ITPRID1: variants seen among roughly 807,000 people sequenced by gnomAD.
ITPRID1 encodes protein ITPRID1.
A neutral mutation model predicts 95.4 loss-of-function variants in ITPRID1; 96 were observed. The observed-to-expected ratio is 1.01, with a 90% CI of 0.85 to 1.19. The LOEUF is 1.19. Among genes scored for constraint, ITPRID1 ranks in the 50% most tolerant of loss-of-function variants. ITPRID1 has a pLI of 0.00. For synonymous variants in ITPRID1, 510 were observed against 453.6 expected (o/e 1.12, Z -1.58); for missense variants, 1,339 against 1,252.9 (o/e 1.07, Z -1.04).
chr7:31,598,054 T>C (rs935167646), intron 10 of ITPRID1, among the ~76,000 whole-genome samples: 6 of 152,134 alleles, frequency 3.9e-5, no homozygotes, highest in Non-Finnish European at 7.4e-5. Flanking sequence ...GTTATCCATA[T>C]AGAAAAAAAT....
chr7:31,652,885 G>A lies in ITPRID1; in HGVS notation c.*56G>A. ...AATATAAAGGCCCAGAACAGATGTAGCAAGGAAATTTCAATTTTCCCCAAG... is the reference window on the plus strand; with the variant it reads ...AATATAAAGGCCCAGAACAGATGTAACAAGGAAATTTCAATTTTCCCCAAG... On this transcript the variant is annotated 3_prime_UTR_variant, in exon 15 of 15. Transcript: ENST00000615280. The A allele has an allele frequency of 6.4e-7, 1 of 1,559,662 alleles. No individual in the cohort carries two copies. Among genetic ancestry groups the A allele is most frequent in the Non-Finnish European group, 8.7e-7 (1 of 1,150,730 alleles).
chr7:31,651,665 A>G (rs1583756448), intron 13 of ITPRID1, among the ~76,000 whole-genome samples: 1 of 152,158 alleles, frequency 6.6e-6, no homozygotes, highest in Non-Finnish European at 1.5e-5. Context: ...GAAGTGTTTT[A>G]AAACTGAATA....
At chr7:31,658,513 A>G, downstream of ITPRID1, 3 of 862,584 alleles carry the variant, frequency 3.5e-6, no homozygotes, top group Non-Finnish European at 4.7e-6. Flanking sequence ...AAAAAGTTTT[A>G]GAGTGTTTTC....
chr7:31,540,566 G>T (rs145676408), intron 1 of ITPRID1, among the ~76,000 whole-genome samples: 1 of 152,142 alleles, frequency 6.6e-6, no homozygotes, highest in South Asian at 2.1e-4. Flanking sequence ...ACAAATCATG[G>T]TAGGACTGGT....
chr7:31,613,287 T>C (rs1404042696), intron 10 of ITPRID1, among the ~76,000 whole-genome samples: 1 of 152,156 alleles, frequency 6.6e-6, no homozygotes, highest in Non-Finnish European at 1.5e-5. Flanking sequence ...CAACTCTTTT[T>C]TTCTCGTATA....
intron 12 of ITPRID1, among the ~76,000 whole-genome samples, chr7:31,649,835 G>A (rs182813247): frequency 6.6e-6 from 1 of 152,272 alleles, no homozygotes; most frequent in African/African-American, 2.4e-5. Flanking sequence ...AAGGTAAATA[G>A]CTTTAGTTAA....
intron 1 of ITPRID1, among the ~76,000 whole-genome samples, chr7:31,540,942 A>T (rs1306605216): frequency 2.0e-5 from 3 of 152,252 alleles, no homozygotes; most frequent in African/African-American, 7.2e-5. Flanking sequence ...AAAGCACACC[A>T]TTCCAGTCAA....
At chr7:31,558,473 C>G (rs967283173) in intron 5 of ITPRID1, among the ~76,000 whole-genome samples, 2 of 152,052 alleles carry the variant, frequency 1.3e-5, no homozygotes, top group Non-Finnish European at 2.9e-5. Flanking sequence ...TGGTGCAATA[C>G]TAACTTTTTT....
At position 31,643,933 on chromosome 7, in the gene ITPRID1, A is replaced by G; in HGVS notation, c.2563A>G (p.Thr855Ala). The change falls in exon 12 of 15, where the codon ACA becomes GCA. Residue 855 changes from threonine (T) to alanine (A), a missense_variant. Coordinates refer to ENST00000615280, the MANE Select transcript of ITPRID1 (RefSeq NM_001257967.3). ...MTTLKALQDT[T>A]VRELCSCTVH... is the part of the protein sequence containing the mutation. The stretch of plus-strand genomic sequence containing the variant: ...GACTTTGAAAGCCCTTCAGGACACT[A>G]CAGTGAGGGAGCTATGTTCCGTAAG... 6.2e-7 allele frequency: 1 copy of G among 1,611,944 alleles called. No individual in the cohort carries two copies. The highest frequency in any genetic ancestry group is 8.5e-7 in the Non-Finnish European group (1 of 1,179,044).
intron 10 of ITPRID1, among the ~76,000 whole-genome samples, chr7:31,610,279 C>G (rs1306705724): frequency 6.6e-6 from 1 of 151,216 alleles, no homozygotes; most frequent in Non-Finnish European, 1.5e-5. Flanking sequence ...TAGGTGGTGT[C>G]TTTTACAGAT....
chr7:31,643,603 G>A lies in ITPRID1; in HGVS notation c.2233G>A (p.Ala745Thr), dbSNP rs750560323. 2.7e-5 allele frequency: 44 copies of A among 1,613,860 alleles called. 1 individual carries two copies. The South Asian group carries it at 3.0e-4, about 11-fold the overall frequency. The stretch of plus-strand genomic sequence containing the variant: ...ATGCACTGTGTGTGATCCTGTTACC[G>A]CAACAGAAACAAGACTGGGGACAAA... ...LECTVCDPVT[A>T]TETRLGTKAR... Residue 745 changes from alanine (A) to threonine (T), a missense_variant, in exon 12 of 15, where the codon GCA becomes ACA. Ala to Thr is a moderately conservative substitution (Grantham distance 58, BLOSUM62 0). Coordinates refer to ENST00000615280, the MANE Select transcript of ITPRID1 (RefSeq NM_001257967.3).
At chr7:31,519,620 C>CTCTCTATATATATATATA in intron 1 of ITPRID1, among the ~76,000 whole-genome samples, 25 of 25,250 alleles carry the variant, frequency 9.9e-4, no homozygotes, top group South Asian at 2.1e-3. Context: ...CTCTCTCTCT[C>CTCTCTATATATATATATA]TATATATATA....
At chr7:31,595,582 A>G (rs541369449) in intron 10 of ITPRID1, among the ~76,000 whole-genome samples, 8 of 151,896 alleles carry the variant, frequency 5.3e-5, no homozygotes, top group Non-Finnish European at 1.0e-4. Flanking sequence ...TAATGAAGAC[A>G]TTTTATGTAA....
intron 5 of ITPRID1, among the ~76,000 whole-genome samples, chr7:31,563,451 T>C (rs1043537318): frequency 2.2e-4 from 34 of 152,250 alleles, no homozygotes; most frequent in African/African-American, 8.2e-4. Context: ...CAGGTTCCAG[T>C]TCAAATGGAG....
chr7:31,621,193 A>T (rs1429512249), intron 10 of ITPRID1, among the ~76,000 whole-genome samples: 1 of 152,188 alleles, frequency 6.6e-6, no homozygotes, highest in African/African-American at 2.4e-5. Flanking sequence ...GCAGGATATT[A>T]TCCAGGAGAA....
At chr7:31,651,312 C>T (rs370704264) in intron 13 of ITPRID1, 43 bp downstream of exon 13, 4 of 1,597,622 alleles carry the variant, frequency 2.5e-6, no homozygotes, top group South Asian at 1.1e-5. Flanking sequence ...CCAGCCCACA[C>T]ACCTGGAGCA....
At chr7:31,584,468 T>C (rs1259552969) in intron 10 of ITPRID1, among the ~76,000 whole-genome samples, 4 of 152,208 alleles carry the variant, frequency 2.6e-5, no homozygotes, top group African/African-American at 9.6e-5. Flanking sequence ...CCCTTGCCAA[T>C]AGGAATTGCC....
intron 5 of ITPRID1, among the ~76,000 whole-genome samples, chr7:31,562,649 A>T (rs1784664531): frequency 6.6e-6 from 1 of 152,198 alleles, no homozygotes; most frequent in Non-Finnish European, 1.5e-5. Context: ...AATGATGTAA[A>T]ATATATGACT....
rs114806884 is a variant in ITPRID1 at position 31,553,580 on chromosome 7, A to G, written c.163+393A>G. 4.9e-3 allele frequency among the ~76,000 whole-genome samples: 746 copies of G among 152,328 alleles called. 5 individuals are homozygous for G. The highest frequency in any genetic ancestry group is 0.017 in the African/African-American group (711 of 41,580). ...GCATTGACAAAAATTTTAATCATTT[A>G]AAGAGTAATAAGTAAGAAAATACTT... On this transcript the variant is annotated intron_variant, in intron 3 of 14. Coordinates refer to ENST00000615280, the MANE Select transcript of ITPRID1 (RefSeq NM_001257967.3).
Sources: gnomAD v4.1 joint callset for allele counts (sites outside exome capture counted in the v4.1 genomes callset) on GRCh38, gnomAD v4.1.1 for gene constraint, MANE v1.5 for transcripts, NCBI Gene and HGNC (gene_info 2026-07-23, HGNC 2026-07-21) for gene names.